HS6ST3: variants seen among roughly 807,000 people sequenced by gnomAD.
The protein encoded by HS6ST3 is heparan sulfate 6-O-sulfotransferase 3.
Under a neutral mutation model 36.7 loss-of-function variants are expected in HS6ST3, and 12 were observed. That is an observed-to-expected ratio of 0.33 (90% CI 0.21 to 0.53). The LOEUF is 0.53. Ranked by LOEUF, HS6ST3 falls within the 20% of genes least tolerant of loss-of-function variation. The pLI is 0.95. For synonymous variants in HS6ST3, 240 were observed against 257.5 expected (o/e 0.93, Z 0.65); for missense variants, 584 against 640.9 (o/e 0.91, Z 0.96).
intron 1 of HS6ST3, among the ~76,000 whole-genome samples, chr13:96,482,787 T>C (rs2055895986): frequency 6.6e-6 from 1 of 152,244 alleles, no homozygotes; most frequent in South Asian, 2.1e-4. Flanking sequence ...GTTTCACTTT[T>C]AGTTGTTCCT....
chr13:96,177,801 A>T (rs948165784), intron 1 of HS6ST3, among the ~76,000 whole-genome samples: 1 of 151,944 alleles, frequency 6.6e-6, no homozygotes, highest in Non-Finnish European at 1.5e-5. Flanking sequence ...AAATAAAATT[A>T]AAAAAATAAA....
chr13:96,746,914 T>C (rs1048932966), intron 1 of HS6ST3, among the ~76,000 whole-genome samples: 1 of 152,126 alleles, frequency 6.6e-6, no homozygotes, highest in East Asian at 1.9e-4. Context: ...TGCCATTGAT[T>C]CTTGCCATGG....
chr13:96,770,930 G>A (rs1159323003), intron 1 of HS6ST3, among the ~76,000 whole-genome samples: 1 of 152,162 alleles, frequency 6.6e-6, no homozygotes, highest in Non-Finnish European at 1.5e-5. Flanking sequence ...AGCAATGTAT[G>A]GAAAGCAGGA....
chr13:96,197,024 C>A (rs2054317642), intron 1 of HS6ST3, among the ~76,000 whole-genome samples: 1 of 152,156 alleles, frequency 6.6e-6, no homozygotes, highest in African/African-American at 2.4e-5. Flanking sequence ...CTAGATGGAT[C>A]TATGTGATTC....
chr13:96,567,156 T>C (rs1444835696), intron 1 of HS6ST3, among the ~76,000 whole-genome samples: 2 of 152,096 alleles, frequency 1.3e-5, no homozygotes, highest in Non-Finnish European at 2.9e-5. Flanking sequence ...TCTTCTTTTT[T>C]TCTTCTCTTT....
chr13:96,463,873 C>A (rs2055797488), intron 1 of HS6ST3, among the ~76,000 whole-genome samples: 1 of 151,964 alleles, frequency 6.6e-6, no homozygotes, highest in Non-Finnish European at 1.5e-5. Context: ...AAGTGAAATA[C>A]CTTTACCACC....
intron 1 of HS6ST3, among the ~76,000 whole-genome samples, chr13:96,122,625 C>A (rs1193457563): frequency 1.3e-5 from 2 of 152,032 alleles, no homozygotes; most frequent in Non-Finnish European, 2.9e-5. Flanking sequence ...TAATGAAAAT[C>A]AAGGGGGAGA....
intron 1 of HS6ST3, among the ~76,000 whole-genome samples, chr13:96,495,853 G>A (rs763538605): frequency 3.2e-4 from 48 of 152,176 alleles, no homozygotes; most frequent in Non-Finnish European, 6.3e-4. Flanking sequence ...ATTAATGTTT[G>A]GATGTATTCT....
At chr13:96,351,335 T>TTTTTTTAAAAA (rs1203595829) in intron 1 of HS6ST3, among the ~76,000 whole-genome samples, 2 of 146,366 alleles carry the variant, frequency 1.4e-5, no homozygotes, top group African/African-American at 5.2e-5. Context: ...TTTTTTTTTT[T>TTTTTTTAAAAA]AAAAAAAACA....
chr13:96,142,897 T>C (rs1054731335), intron 1 of HS6ST3, among the ~76,000 whole-genome samples: 3 of 152,146 alleles, frequency 2.0e-5, no homozygotes, highest in African/African-American at 7.2e-5. Context: ...AATTCAGTAA[T>C]GTCTTTAAAA....
intron 1 of HS6ST3, among the ~76,000 whole-genome samples, chr13:96,406,106 A>G (rs1423732450): frequency 6.6e-6 from 1 of 152,218 alleles, no homozygotes; most frequent in Non-Finnish European, 1.5e-5. Context: ...TGGAATACTA[A>G]TGAAATTAAA....
At chr13:96,182,873 C>G (rs1269473600) in intron 1 of HS6ST3, among the ~76,000 whole-genome samples, 2 of 152,204 alleles carry the variant, frequency 1.3e-5, no homozygotes, top group Non-Finnish European at 2.9e-5. Flanking sequence ...CCTAGTCACT[C>G]ACATCTAAAC....
At chr13:96,194,192 C>T (rs1405812850) in intron 1 of HS6ST3, among the ~76,000 whole-genome samples, 1 of 151,962 alleles carries the variant, frequency 6.6e-6, no homozygotes, top group South Asian at 2.1e-4. Flanking sequence ...ATTGTATATA[C>T]AATATTGGGA....
intron 1 of HS6ST3, among the ~76,000 whole-genome samples, chr13:96,302,993 T>A (rs553199920): frequency 2.6e-5 from 4 of 152,202 alleles, no homozygotes; most frequent in Non-Finnish European, 5.9e-5. Flanking sequence ...TTTATGGCTA[T>A]TTTCATGCTA....
At chr13:96,346,900 TG>T (rs978189936) in intron 1 of HS6ST3, among the ~76,000 whole-genome samples, 4 of 152,220 alleles carry the variant, frequency 2.6e-5, no homozygotes, top group African/African-American at 9.6e-5. Context: ...GCTATCATGC[TG>T]GCTGACTTTA....
chr13:96,348,646 C>T (rs2055167346), intron 1 of HS6ST3, among the ~76,000 whole-genome samples: 1 of 152,170 alleles, frequency 6.6e-6, no homozygotes. Flanking sequence ...TTTACAAGGA[C>T]TGCAGGCATC....
rs138354932 is a variant in HS6ST3, at chr13:96,433,986, G to T, written c.707+342417G>T. ...TTTCTTTATAAACTGCCCAGTCTTG[G>T]GTATGTCTTTATGCAGCATGAGAAC... On this transcript the variant is annotated intron_variant, in intron 1 of 1. Coordinates refer to ENST00000376705, the MANE Select transcript of HS6ST3 (RefSeq NM_153456.4). Among the ~76,000 whole-genome samples, 357 of 152,146 alleles carry T rather than the reference G, an allele frequency of 2.3e-3. 1 individual carries two copies. Among genetic ancestry groups the T allele is most frequent in the African/African-American group, 8.2e-3 (340 of 41,504 alleles).
intron 1 of HS6ST3, among the ~76,000 whole-genome samples, chr13:96,185,879 A>G (rs2054262709): frequency 6.6e-6 from 1 of 152,126 alleles, no homozygotes; most frequent in Admixed American, 6.5e-5. Context: ...GATATTTGCA[A>G]TGGGAAACGT....
rs560036521 is a variant in HS6ST3, at chr13:96,395,294, G to A, written c.707+303725G>A. ...TGTGAAGTTTCCAGCAGCTGAGATT[G>A]TTCCTATTTTGTAATAAAACAAACT... On this transcript the variant is annotated intron_variant, in intron 1 of 1. Transcript: ENST00000376705. 1.3e-5 allele frequency among the ~76,000 whole-genome samples: 2 copies of A among 152,300 alleles called. 1 individual carries two copies. Among genetic ancestry groups the A allele is most frequent in the Admixed American group, 1.3e-4 (2 of 15,296 alleles).
Sources: allele counts gnomAD v4.1 joint callset (sites outside exome capture counted in the v4.1 genomes callset), GRCh38; gene constraint gnomAD v4.1.1; transcripts MANE v1.5; gene names NCBI Gene and HGNC (gene_info 2026-07-23, HGNC 2026-07-21).